AUH: variants seen among roughly 807,000 people sequenced by gnomAD.
AUH encodes methylglutaconyl-CoA hydratase, mitochondrial.
AUH carries 29 observed loss-of-function variants against 42.3 expected under a neutral mutation model. The observed-to-expected ratio is 0.69, with a 90% CI of 0.51 to 0.93. The LOEUF is 0.93. Ranked by LOEUF, AUH falls within the 40% of genes least tolerant of loss-of-function variation. AUH has a pLI of 0.00. For missense variants in AUH, 452 were observed against 438.1 expected, an observed-to-expected ratio of 1.03 and a Z score of -0.28; for synonymous variants, 174 against 166.4, an observed-to-expected ratio of 1.05 and a Z score of -0.35.
intron 6 of AUH, among the ~76,000 whole-genome samples, chr9:91,227,086 A>C (rs1587638946): frequency 6.6e-6 from 1 of 151,644 alleles, no homozygotes; most frequent in East Asian, 1.9e-4. Context: ...CAATTCTGTA[A>C]AGAAAGGCAT....
At chr9:91,263,563 C>T (rs1356425076) in intron 6 of AUH, among the ~76,000 whole-genome samples, 1 of 152,106 alleles carries the variant, frequency 6.6e-6, no homozygotes, top group Admixed American at 6.5e-5. Flanking sequence ...ATTAGTGAAA[C>T]GCCAAATTAG....
chr9:91,263,289 T>C (rs1397530156), intron 6 of AUH, among the ~76,000 whole-genome samples: 2 of 152,218 alleles, frequency 1.3e-5, no homozygotes, highest in Non-Finnish European at 2.9e-5. Context: ...TTCACACTTA[T>C]TAAAAGTGAG....
intron 6 of AUH, among the ~76,000 whole-genome samples, chr9:91,235,087 G>A (rs930533701): frequency 1.3e-5 from 2 of 151,976 alleles, no homozygotes; most frequent in East Asian, 3.9e-4. Flanking sequence ...CGGAGTAGAA[G>A]TTTACATTTT....
At chr9:91,288,566 G>T (rs1826604351) in intron 6 of AUH, among the ~76,000 whole-genome samples, 1 of 152,012 alleles carries the variant, frequency 6.6e-6, no homozygotes, top group South Asian at 2.1e-4. Context: ...GTTTCACTTT[G>T]TGTTTAATAT....
chr9:91,248,692 G>T (rs1203218076), intron 6 of AUH, among the ~76,000 whole-genome samples: 1 of 152,142 alleles, frequency 6.6e-6, no homozygotes, highest in African/African-American at 2.4e-5. Flanking sequence ...ACATAACATT[G>T]TTGGTTCCTG....
intron 3 of AUH, among the ~76,000 whole-genome samples, chr9:91,349,842 T>C (rs1831828826): frequency 6.6e-6 from 1 of 152,218 alleles, no homozygotes; most frequent in African/African-American, 2.4e-5. Flanking sequence ...ACAAGAAGCT[T>C]TGACTAACAA....
chr9:91,361,165 A>G (rs949279880), intron 1 of AUH, among the ~76,000 whole-genome samples: 1 of 152,224 alleles, frequency 6.6e-6, no homozygotes, highest in Non-Finnish European at 1.5e-5. Flanking sequence ...AAGAGGAAAA[A>G]TTGTTCCAGC....
In AUH at chr9:91,361,725, T is replaced by G; in HGVS notation, c.165A>C (p.Val55=). 1 of 1,549,194 alleles carries G rather than the reference T, an allele frequency of 6.5e-7. No homozygotes were observed. Among genetic ancestry groups the G allele is most frequent in the South Asian group, 1.2e-5 (1 of 83,730 alleles). Residue 55 remains valine, a synonymous_variant, in exon 1 of 10, where the codon GTA becomes GTC. Coordinates refer to ENST00000375731, the MANE Select transcript of AUH (RefSeq NM_001698.3). ...AGPAIWAQGW[V]PAAGGPAPKR... The stretch of plus-strand genomic sequence containing the variant: ...TCGGGGCGGGACCCCCGGCCGCAGG[T>G]ACCCAGCCCTGGGCCCAGATCGCCG...
chr9:91,318,956 A>G (rs1052415612), intron 4 of AUH, among the ~76,000 whole-genome samples: 1 of 152,216 alleles, frequency 6.6e-6, no homozygotes, highest in East Asian at 1.9e-4. Context: ...AGCGGCGAGA[A>G]GTTGGACCCT....
At chr9:91,337,614 A>G (rs1425657917) in intron 3 of AUH, among the ~76,000 whole-genome samples, 1 of 152,226 alleles carries the variant, frequency 6.6e-6, no homozygotes, top group African/African-American at 2.4e-5. Flanking sequence ...ACCAACCCAT[A>G]TATAAAGCTG....
chr9:91,246,842 T>C (rs932179057), intron 6 of AUH, among the ~76,000 whole-genome samples: 1 of 152,270 alleles, frequency 6.6e-6, no homozygotes, highest in Non-Finnish European at 1.5e-5. Flanking sequence ...GACAAGTCTA[T>C]GGCTGAAAAG....
chr9:91,297,952 T>A (rs757135614), intron 5 of AUH, 32 bp downstream of exon 5: 12 of 1,509,082 alleles, frequency 8.0e-6, no homozygotes, highest in Admixed American at 5.0e-5. Flanking sequence ...TTCACTTTTT[T>A]AAATTATGTT....
intron 6 of AUH, among the ~76,000 whole-genome samples, chr9:91,246,742 C>T (rs778347379): frequency 9.2e-5 from 14 of 152,288 alleles, no homozygotes; most frequent in Middle Eastern, 3.4e-3. Flanking sequence ...AGCAAATAAA[C>T]GTTAAGAGAA....
At chr9:91,324,162 TTAAA>T (rs1829797456) in intron 4 of AUH, among the ~76,000 whole-genome samples, 1 of 152,174 alleles carries the variant, frequency 6.6e-6, no homozygotes, top group Non-Finnish European at 1.5e-5. Flanking sequence ...CAAGTAGTTA[TTAAA>T]TAATCCTATA....
At chr9:91,341,216 C>T (rs1461224901) in intron 3 of AUH, among the ~76,000 whole-genome samples, 1 of 152,188 alleles carries the variant, frequency 6.6e-6, no homozygotes, top group Non-Finnish European at 1.5e-5. Flanking sequence ...GCCCACAATG[C>T]TCACCTCACC....
intron 6 of AUH, among the ~76,000 whole-genome samples, chr9:91,228,157 A>G (rs1176712951): frequency 6.6e-6 from 1 of 151,590 alleles, no homozygotes; most frequent in Admixed American, 6.6e-5. Context: ...CCTCTGGTAG[A>G]ATTCGGCTGT....
chr9:91,310,780 G>C (rs1175796013), intron 4 of AUH, among the ~76,000 whole-genome samples: 12 of 152,154 alleles, frequency 7.9e-5, no homozygotes, highest in Non-Finnish European at 1.8e-4. Context: ...AGATCATGTG[G>C]TTACCAAAAC....
At chr9:91,230,807 C>T (rs1385932755) in intron 6 of AUH, among the ~76,000 whole-genome samples, 2 of 152,170 alleles carry the variant, frequency 1.3e-5, no homozygotes, top group African/African-American at 4.8e-5. Flanking sequence ...GTTGGAGAAC[C>T]CTGCAGTGTG....
chr9:91,233,173 G>T (rs767485447), intron 6 of AUH, among the ~76,000 whole-genome samples: 17 of 152,184 alleles, frequency 1.1e-4, no homozygotes, highest in Non-Finnish European at 8.8e-5. Context: ...GAAAGCGGGG[G>T]GAGATGGAGT....
Sources: gnomAD v4.1 joint callset for allele counts (sites outside exome capture counted in the v4.1 genomes callset) on GRCh38, gnomAD v4.1.1 for gene constraint, MANE v1.5 for transcripts, NCBI Gene and HGNC (gene_info 2026-07-23, HGNC 2026-07-21) for gene names.